The following KCNC2 variants were observed in gnomAD, a reference collection of about 807,000 sequenced individuals.
KCNC2 encodes potassium voltage-gated channel subfamily C member 2.
A neutral mutation model predicts 44.5 loss-of-function variants in KCNC2; 21 were observed. That is an observed-to-expected ratio of 0.47 (90% confidence interval 0.33 to 0.68). The LOEUF (loss-of-function observed/expected upper bound fraction) is 0.68, where lower values mean the gene tolerates loss of function less well. Among genes scored for constraint, KCNC2 ranks in the 30% least tolerant of loss-of-function variants. The pLI, the probability that KCNC2 is intolerant of heterozygous loss-of-function variation, is 0.01. For synonymous variants in KCNC2, 391 were observed against 339.1 expected (o/e 1.15, Z -1.68); for missense variants, 589 against 826.2 (o/e 0.71, Z 3.52).
intron 2 of KCNC2, among the ~76,000 whole-genome samples, chr12:75,076,038 T>C (rs944017099): frequency 1.7e-4 from 24 of 141,344 alleles, no homozygotes; most frequent in African/African-American, 5.2e-4. Context: ...TAATGTTACA[T>C]ACACACACAC....
chr12:75,134,665 A>G (rs1889103014), intron 2 of KCNC2, among the ~76,000 whole-genome samples: 1 of 151,868 alleles, frequency 6.6e-6, no homozygotes, highest in Admixed American at 6.6e-5. Flanking sequence ...GCAAGCCTCT[A>G]AGATAAAAAA....
At chr12:75,176,743 T>A (rs999286376) in intron 2 of KCNC2, among the ~76,000 whole-genome samples, 2 of 151,960 alleles carry the variant, frequency 1.3e-5, no homozygotes, top group African/African-American at 4.8e-5. Context: ...TTATGTAATC[T>A]CTTTGGAGGT....
At position 75,042,551 on chromosome 12, in the gene KCNC2, A is replaced by G; in HGVS notation, c.*554T>C. 7.1e-7 allele frequency: 1 copy of G among 1,399,844 alleles called. No homozygotes were observed. The highest frequency in any genetic ancestry group is 9.3e-7 in the Non-Finnish European group (1 of 1,080,588). The allele number at this position is 1,399,844 out of a possible 1,614,324, so 86.7% of individuals were successfully genotyped here. A position where few individuals can be genotyped will look rare whatever the true frequency, so the allele number is the denominator to read the frequency against. On this transcript the variant is annotated 3_prime_UTR_variant, in exon 5 of 5. Coordinates refer to ENST00000549446, the MANE Select transcript of KCNC2 (RefSeq NM_139137.4). The stretch of plus-strand genomic sequence containing the variant: ...AATTCAACATGCAGAACAGTCGACC[A>G]ATGCTTTCATATCAGCAGGATGGTT...
At chr12:75,191,726 A>G (rs1470264624) in intron 2 of KCNC2, among the ~76,000 whole-genome samples, 1 of 149,296 alleles carries the variant, frequency 6.7e-6, no homozygotes, top group Non-Finnish European at 1.5e-5. Context: ...AATTTTTTGT[A>G]TTTTTAGTAG....
At chr12:75,081,610 T>C (rs919524319) in intron 2 of KCNC2, among the ~76,000 whole-genome samples, 23 of 152,028 alleles carry the variant, frequency 1.5e-4, no homozygotes, top group African/African-American at 5.6e-4. Context: ...CTGATTCACT[T>C]CTTGTAATAA....
chr12:75,146,726 C>A (rs1201853113), intron 2 of KCNC2, among the ~76,000 whole-genome samples: 1 of 152,178 alleles, frequency 6.6e-6, no homozygotes, highest in East Asian at 1.9e-4. Context: ...ATCTGTGTAG[C>A]AACTGTAACA....
chr12:75,175,967 A>T (rs1892155441), intron 2 of KCNC2, among the ~76,000 whole-genome samples: 1 of 152,130 alleles, frequency 6.6e-6, no homozygotes, highest in Non-Finnish European at 1.5e-5. Flanking sequence ...TTTATTATTT[A>T]TCTGAAATTC....
chr12:75,169,861 T>C (rs967991461), intron 2 of KCNC2, among the ~76,000 whole-genome samples: 1 of 151,720 alleles, frequency 6.6e-6, no homozygotes, highest in East Asian at 1.9e-4. Flanking sequence ...GGTATCAATG[T>C]TATGAGAATG....
intron 2 of KCNC2, among the ~76,000 whole-genome samples, chr12:75,075,482 T>TATATATATATATAC (rs1285443264): frequency 6.3e-5 from 8 of 127,258 alleles, no homozygotes; most frequent in African/African-American, 7.8e-5. Context: ...TATATATATA[T>TATATATATATATAC]ACACATATAT....
At chr12:75,153,521 G>A (rs1226576234) in intron 2 of KCNC2, among the ~76,000 whole-genome samples, 1 of 151,442 alleles carries the variant, frequency 6.6e-6, no homozygotes, top group African/African-American at 2.4e-5. Flanking sequence ...TGGGTACAAG[G>A]TATATTACTT....
At position 75,041,090 on chromosome 12, in the gene KCNC2, G is replaced by GGGCACAACCAA; in HGVS notation, c.*2014_*2015insTTGGTTGTGCC. The GGGCACAACCAA allele has an allele frequency of 1.3e-6, 2 of 1,594,338 alleles. No individual in the cohort carries two copies. The highest frequency in any genetic ancestry group is 1.7e-6 in the Non-Finnish European group (2 of 1,176,716). On this transcript the variant is annotated 3_prime_UTR_variant, in exon 5 of 5. Coordinates refer to ENST00000549446, the MANE Select transcript of KCNC2 (RefSeq NM_139137.4). ...CGAGGATCTCTTCCAAGTGCAACCT[G>GGGCACAACCAA]GTCACATCAGGGCACATTCAGCAGC...
chr12:75,133,747 T>C (rs1889024450), intron 2 of KCNC2, among the ~76,000 whole-genome samples: 1 of 152,022 alleles, frequency 6.6e-6, no homozygotes, highest in Non-Finnish European at 1.5e-5. Flanking sequence ...TATATGCAGA[T>C]GCAATATATG....
intron 2 of KCNC2, among the ~76,000 whole-genome samples, chr12:75,101,368 C>A (rs1192467800): frequency 6.6e-6 from 1 of 152,038 alleles, no homozygotes; most frequent in East Asian, 1.9e-4. Context: ...TGGGTTGGAA[C>A]TATTCTGGGA....
chr12:75,153,371 C>T (rs1026182447), intron 2 of KCNC2, among the ~76,000 whole-genome samples: 5 of 151,932 alleles, frequency 3.3e-5, no homozygotes, highest in African/African-American at 1.2e-4. Flanking sequence ...ACATTTGACT[C>T]CCACAAATAC....
chr12:75,109,333 G>A (rs1327501005), intron 2 of KCNC2, among the ~76,000 whole-genome samples: 2 of 152,112 alleles, frequency 1.3e-5, no homozygotes, highest in Non-Finnish European at 2.9e-5. Flanking sequence ...GAAGAAACAC[G>A]GGATGTTTGC....
At chr12:75,119,400 T>C (rs1286187070) in intron 2 of KCNC2, among the ~76,000 whole-genome samples, 1 of 152,136 alleles carries the variant, frequency 6.6e-6, no homozygotes, top group Non-Finnish European at 1.5e-5. Flanking sequence ...AAAGGGTTAG[T>C]TAAGTGCTTT....
intron 2 of KCNC2, among the ~76,000 whole-genome samples, chr12:75,164,991 G>T (rs1412760372): frequency 1.3e-5 from 2 of 151,528 alleles, no homozygotes; most frequent in African/African-American, 2.4e-5. Flanking sequence ...TAAATCCATG[G>T]CTGCTGTACA....
At chr12:75,147,365 A>G (rs1161950848) in intron 2 of KCNC2, among the ~76,000 whole-genome samples, 2 of 152,134 alleles carry the variant, frequency 1.3e-5, no homozygotes, top group Non-Finnish European at 2.9e-5. Flanking sequence ...ATTATTAACC[A>G]GACAACGTTT....
chr12:75,150,615 C>A (rs1230840204), intron 2 of KCNC2, among the ~76,000 whole-genome samples: 1 of 151,882 alleles, frequency 6.6e-6, no homozygotes, highest in East Asian at 1.9e-4. Context: ...CTATCCATTG[C>A]TAGACTGTGA....
Sources: allele counts gnomAD v4.1 joint callset (sites outside exome capture counted in the v4.1 genomes callset), GRCh38; gene constraint gnomAD v4.1.1; transcripts MANE v1.5; gene names NCBI Gene and HGNC (gene_info 2026-07-23, HGNC 2026-07-21).